HS3ST4: variants seen among roughly 807,000 people sequenced by gnomAD.
HS3ST4 encodes heparan sulfate-glucosamine 3-sulfotransferase 4.
A neutral mutation model predicts 29.2 loss-of-function variants in HS3ST4; 17 were observed. That is an observed-to-expected ratio of 0.58 (90% confidence interval 0.40 to 0.87). HS3ST4 has a LOEUF of 0.87. Among genes scored for constraint, HS3ST4 ranks in the 40% least tolerant of loss-of-function variants. The probability of loss-of-function intolerance (pLI) is 0.00; values close to 1 mark genes in which losing one functional copy is unlikely to be tolerated. For synonymous variants in HS3ST4, 314 were observed against 285.7 expected (o/e 1.10, Z -1.00); for missense variants, 627 against 634.5 (o/e 0.99, Z 0.13).
rs1899118305 is a variant in HS3ST4, at chr16:26,110,794, T to C, written c.735-24818T>C. Among the ~76,000 whole-genome samples, 5 of 152,260 alleles carry C rather than the reference T, an allele frequency of 3.3e-5. No individual in the cohort carries two copies. The South Asian group carries it at 8.3e-4, about 25-fold the overall frequency. On this transcript the variant is annotated intron_variant, in intron 1 of 1. Coordinates refer to ENST00000331351, the MANE Select transcript of HS3ST4 (RefSeq NM_006040.3). ...AAAGTTTCATCATCTAGTCTTGCAC[T>C]ACCTCTCTGATCTCTCCTTCCACTG...
At chr16:26,094,791 A>G (rs1898902492) in intron 1 of HS3ST4, among the ~76,000 whole-genome samples, 1 of 152,242 alleles carries the variant, frequency 6.6e-6, no homozygotes, top group Non-Finnish European at 1.5e-5. Context: ...AAATGGGCTA[A>G]ATGCCCCAAT....
At chr16:25,838,760 C>T (rs1323565964) in intron 1 of HS3ST4, among the ~76,000 whole-genome samples, 2 of 152,162 alleles carry the variant, frequency 1.3e-5, no homozygotes, top group Admixed American at 6.5e-5. Context: ...CTCTTAACCA[C>T]GAATCACTGC....
At chr16:25,880,410 A>G (rs956703988) in intron 1 of HS3ST4, among the ~76,000 whole-genome samples, 2 of 152,160 alleles carry the variant, frequency 1.3e-5, no homozygotes, top group Non-Finnish European at 2.9e-5. Flanking sequence ...AACCACTTCT[A>G]TGAAGTGTAA....
intron 1 of HS3ST4, among the ~76,000 whole-genome samples, chr16:25,979,780 T>C (rs1328587676): frequency 6.6e-6 from 1 of 152,192 alleles, no homozygotes; most frequent in Non-Finnish European, 1.5e-5. Flanking sequence ...GCCAAAAAGT[T>C]TGGGAACTGC....
chr16:26,117,419 G>A (rs1899215183), intron 1 of HS3ST4, among the ~76,000 whole-genome samples: 1 of 152,160 alleles, frequency 6.6e-6, no homozygotes, highest in Admixed American at 6.5e-5. Context: ...CTTGTAACTT[G>A]CCTTCTAGCG....
intron 1 of HS3ST4, among the ~76,000 whole-genome samples, chr16:26,054,442 A>G (rs576912498): frequency 0.01 from 1,592 of 152,342 alleles, 28 homozygotes; most frequent in African/African-American, 0.034. Context: ...ACAAGGCAAG[A>G]GCTAAACATC....
intron 1 of HS3ST4, among the ~76,000 whole-genome samples, chr16:26,025,003 G>C (rs1969452775): frequency 6.6e-6 from 1 of 151,918 alleles, no homozygotes; most frequent in African/African-American, 2.4e-5. Flanking sequence ...TTCATTCTTA[G>C]TAAAGTTACT....
chr16:25,859,614 G>T (rs754755919), intron 1 of HS3ST4, among the ~76,000 whole-genome samples: 27 of 152,148 alleles, frequency 1.8e-4, no homozygotes, highest in Non-Finnish European at 2.5e-4. Flanking sequence ...ATCCTGTCTT[G>T]ATAGTATTCC....
At chr16:26,094,204 A>G (rs1339670531) in intron 1 of HS3ST4, among the ~76,000 whole-genome samples, 2 of 152,218 alleles carry the variant, frequency 1.3e-5, no homozygotes, top group South Asian at 2.1e-4. Flanking sequence ...GATATTATCC[A>G]GGAGAACTTG....
At chr16:25,769,402 C>T (rs967425838) in intron 1 of HS3ST4, among the ~76,000 whole-genome samples, 1 of 152,102 alleles carries the variant, frequency 6.6e-6, no homozygotes, top group Non-Finnish European at 1.5e-5. Flanking sequence ...TAAAGTAGTC[C>T]GTAGCTAACA....
In HS3ST4 at chr16:26,087,466, T is replaced by G. The variant is rs189550620; in HGVS notation, c.735-48146T>G. Among the ~76,000 whole-genome samples the G allele has an allele frequency of 5.9e-4, 90 of 152,266 alleles. 1 individual carries two copies. The highest frequency in any genetic ancestry group is 7.8e-4 in the Non-Finnish European group (53 of 68,026). On this transcript the variant is annotated intron_variant, in intron 1 of 1. Coordinates refer to ENST00000331351, the MANE Select transcript of HS3ST4 (RefSeq NM_006040.3). ...AATGGAACCAAGGAACACCTGGCAT[T>G]CCGTTGACCTATCTCAACATCCCTG... is the stretch of plus-strand genomic sequence containing the variant.
chr16:25,920,596 G>GCCCC (rs760011689), intron 1 of HS3ST4, among the ~76,000 whole-genome samples: 3 of 117,550 alleles, frequency 2.6e-5, no homozygotes, highest in African/African-American at 8.3e-5. Context: ...CCTCACTGCC[G>GCCCC]CCCCCACCCC....
At chr16:25,949,631 T>G (rs954065772) in intron 1 of HS3ST4, among the ~76,000 whole-genome samples, 4 of 152,214 alleles carry the variant, frequency 2.6e-5, no homozygotes, top group Middle Eastern at 6.8e-3. Flanking sequence ...AAGTGGAGAT[T>G]TGTGGCCAAG....
intron 1 of HS3ST4, among the ~76,000 whole-genome samples, chr16:25,708,771 A>T (rs1048998746): frequency 2.0e-5 from 3 of 152,234 alleles, no homozygotes; most frequent in East Asian, 3.9e-4. Flanking sequence ...CTGTGTCAAA[A>T]GTTCCTTCCT....
chr16:25,853,863 T>C (rs1230363079), intron 1 of HS3ST4, among the ~76,000 whole-genome samples: 1 of 152,172 alleles, frequency 6.6e-6, no homozygotes, highest in African/African-American at 2.4e-5. Context: ...GTGGTGCTAG[T>C]CTTGTAAAAA....
intron 1 of HS3ST4, among the ~76,000 whole-genome samples, chr16:25,897,454 C>T (rs926413397): frequency 1.1e-4 from 17 of 152,090 alleles, no homozygotes; most frequent in African/African-American, 4.1e-4. Flanking sequence ...CCTGTCCCCC[C>T]ACAAAAATGA....
intron 1 of HS3ST4, among the ~76,000 whole-genome samples, chr16:25,968,669 C>T (rs1323683114): frequency 6.6e-6 from 1 of 152,126 alleles, no homozygotes; most frequent in Non-Finnish European, 1.5e-5. Flanking sequence ...TGACATTGGA[C>T]TAATTAGTTA....
intron 1 of HS3ST4, among the ~76,000 whole-genome samples, chr16:25,788,402 T>G (rs1966860806): frequency 8.5e-6 from 1 of 117,542 alleles, no homozygotes; most frequent in Non-Finnish European, 1.8e-5. Context: ...GCAACAAGAG[T>G]GAAATTCTGT....
chr16:25,884,691 G>A (rs537438565), intron 1 of HS3ST4, among the ~76,000 whole-genome samples: 13 of 152,142 alleles, frequency 8.5e-5, no homozygotes, highest in Admixed American at 8.5e-4. Flanking sequence ...TCAGCCTCCC[G>A]AGTAGTGGGG....
Sources: allele counts gnomAD v4.1 joint callset (sites outside exome capture counted in the v4.1 genomes callset), GRCh38; gene constraint gnomAD v4.1.1; transcripts MANE v1.5; gene names NCBI Gene and HGNC (gene_info 2026-07-23, HGNC 2026-07-21).